MARK2: variants seen among roughly 807,000 people sequenced by gnomAD.
The protein encoded by MARK2 is microtubule affinity regulating kinase 2.
A neutral mutation model predicts 89.8 loss-of-function variants in MARK2; 16 were observed. The observed-to-expected ratio is 0.18, with a 90% CI of 0.12 to 0.27. The LOEUF (loss-of-function observed/expected upper bound fraction) is 0.27. MARK2 is among the 10% of genes least tolerant of loss of function. The pLI, the probability that MARK2 is intolerant of heterozygous loss-of-function variation, is 1.00. For synonymous variants in MARK2, 382 were observed against 399.5 expected (o/e 0.96, Z 0.52); for missense variants, 621 against 1,049.9 (o/e 0.59, Z 5.65).
At chr11:63,863,158 A>G (rs981228679) in intron 1 of MARK2, among the ~76,000 whole-genome samples, 1 of 152,106 alleles carries the variant, frequency 6.6e-6, no homozygotes, top group African/African-American at 2.4e-5. Context: ...AATTTATGCC[A>G]CTACTTCCTG....
At chr11:63,842,847 T>C (rs2016089222) in intron 1 of MARK2, among the ~76,000 whole-genome samples, 1 of 152,208 alleles carries the variant, frequency 6.6e-6, no homozygotes, top group Non-Finnish European at 1.5e-5. Flanking sequence ...CCTCTCCCTC[T>C]TCTTTAAAAA....
chr11:63,858,925 A>C (rs1218596849), intron 1 of MARK2, among the ~76,000 whole-genome samples: 1 of 152,208 alleles, frequency 6.6e-6, no homozygotes, highest in Non-Finnish European at 1.5e-5. Context: ...GCTGGTTCTC[A>C]GTGACCTGAT....
At chr11:63,850,315 A>ATTTTT (rs34074167) in intron 1 of MARK2, among the ~76,000 whole-genome samples, 1 of 95,756 alleles carries the variant, frequency 1.0e-5, no homozygotes, top group Non-Finnish European at 1.9e-5. Context: ...TACCTGGCTA[A>ATTTTT]TTTTTTTTTT....
chr11:63,864,343 C>G (rs1004658018), intron 1 of MARK2, among the ~76,000 whole-genome samples: 11 of 152,130 alleles, frequency 7.2e-5, no homozygotes, highest in Non-Finnish European at 1.3e-4. Context: ...ACCTCCGCCT[C>G]CCAGGTTCAA....
chr11:63,870,160 C>T (rs1938365582), intron 1 of MARK2, among the ~76,000 whole-genome samples: 1 of 152,206 alleles, frequency 6.6e-6, no homozygotes, highest in African/African-American at 2.4e-5. Flanking sequence ...CAATTCTGCA[C>T]ACTGGAGAGC....
intron 1 of MARK2, among the ~76,000 whole-genome samples, chr11:63,851,666 G>A (rs1442309127): frequency 2.6e-5 from 4 of 151,912 alleles, no homozygotes; most frequent in African/African-American, 4.8e-5. Context: ...TTTGATCTCC[G>A]TCTGAGATCT....
intron 1 of MARK2, among the ~76,000 whole-genome samples, chr11:63,864,402 A>G (rs999354433): frequency 6.6e-6 from 1 of 151,664 alleles, no homozygotes; most frequent in East Asian, 1.9e-4. Context: ...ACAGGCATGC[A>G]CCACCACCGG....
At chr11:63,907,120 T>G (rs1941403957) in intron 17 of MARK2, among the ~76,000 whole-genome samples, 1 of 152,080 alleles carries the variant, frequency 6.6e-6, no homozygotes, top group South Asian at 2.1e-4. Flanking sequence ...AGGTTAAGAG[T>G]GCTTGTTCCC....
chr11:63,870,017 G>C (rs891028820), intron 1 of MARK2, among the ~76,000 whole-genome samples: 1 of 152,214 alleles, frequency 6.6e-6, no homozygotes, highest in Admixed American at 6.5e-5. Flanking sequence ...AATTGTTTGC[G>C]CAGAGCTGGG....
Position 63,910,019 on chromosome 11 carries a change from A to C in MARK2, c.*782A>C, listed in dbSNP as rs1941649437. On this transcript the variant is annotated 3_prime_UTR_variant, in exon 19 of 19. Coordinates refer to ENST00000402010, the MANE Select transcript of MARK2 (RefSeq NM_001039469.3). ...GCTGTGGGGACGTGTGTTCCCTCAAAGTCTGTGCCATCTTCTCCCACCCCT... is the reference window on the plus strand; with the variant it reads ...GCTGTGGGGACGTGTGTTCCCTCAACGTCTGTGCCATCTTCTCCCACCCCT... 1 of 152,296 alleles carries C rather than the reference A, an allele frequency of 6.6e-6. No homozygotes were observed. Among genetic ancestry groups the C allele is most frequent in the Non-Finnish European group, 1.5e-5 (1 of 68,182 alleles). 9.4% of individuals were successfully genotyped at this position (152,296 alleles called of 1,614,324 possible). A position where few individuals can be genotyped will look rare whatever the true frequency, so the allele number is the denominator to read the frequency against.
chr11:63,876,335 T>C (rs1375580798), intron 1 of MARK2, among the ~76,000 whole-genome samples: 3 of 152,258 alleles, frequency 2.0e-5, no homozygotes, highest in African/African-American at 7.2e-5. Flanking sequence ...GTTCAAGTTA[T>C]ATTTTCTGGC....
At position 63,902,348 on chromosome 11, in the gene MARK2, T is replaced by TTGTA. The variant is rs902599284; in HGVS notation, c.1234+19_1234+22dup. 6.2e-7 allele frequency: 1 copy of TTGTA among 1,613,372 alleles called. No individual in the cohort carries two copies. The highest frequency in any genetic ancestry group is 8.5e-7 in the Non-Finnish European group (1 of 1,179,778). The stretch of plus-strand genomic sequence containing the variant: ...CGACCAGGGTAAATGCTTTTGGGAG[T>TTGTA]TGTAGGTGGGGACTCACCCCTCTCC... On this transcript the variant is annotated intron_variant, in intron 12 of 18. Transcript: ENST00000402010. The surrounding 1 kb of genome is among the most constrained non-coding windows in gnomAD (Gnocchi z 4.2).
At position 63,904,044 on chromosome 11, in the gene MARK2, G is replaced by T; in HGVS notation, c.1573G>T (p.Ala525Ser). 2 of 1,598,948 alleles carry T rather than the reference G, an allele frequency of 1.3e-6. No homozygotes were observed. The highest frequency in any genetic ancestry group is 4.5e-5 in the East Asian group (2 of 44,570). Reference sequence around the variant, plus strand: ...TTCTGCTTCTGCCGCAGTCTCTGCGGCCCGGCCCCGCCAGCACCAGAAATC... The same window carrying T: ...TTCTGCTTCTGCCGCAGTCTCTGCGTCCCGGCCCCGCCAGCACCAGAAATC... ...TASASAAVSA[A>S]RPRQHQKSMS... Residue 525 changes from alanine (A) to serine (S), a missense_variant, in exon 15 of 19, where the codon GCC becomes TCC. Ala to Ser is a moderately conservative substitution (Grantham distance 99). Around this residue, in one of 5 missense-constraint regions of MARK2, gnomAD observed 397 missense variants for 567.8 expected, o/e 0.70. Transcript: ENST00000402010. This position sits in a 1 kb window ranked among gnomAD's most constrained non-coding sequence, Gnocchi z 6.3.
Position 63,898,123 on chromosome 11 carries a change from C to G in MARK2, c.289-109C>G, listed in dbSNP as rs1940569065. The G allele has an allele frequency of 4.6e-6, 4 of 878,016 alleles. No individual in the cohort carries two copies. The Admixed American group carries it at 8.0e-5, about 18-fold the overall frequency. The allele number at this position is 878,016 out of a possible 1,614,324, so 54.4% of individuals were successfully genotyped here. A position where few individuals can be genotyped will look rare whatever the true frequency, so the allele number is the denominator to read the frequency against. On this transcript the variant is annotated intron_variant, in intron 3 of 18. Transcript: ENST00000402010. ...TAGACAACCACCCTATTTTCTTTTC[C>G]CTGCCCGGTTTTGGTTTTTTGGGAA... is the stretch of plus-strand genomic sequence containing the variant.
chr11:63,870,266 G>A (rs959209931), intron 1 of MARK2, among the ~76,000 whole-genome samples: 1 of 152,118 alleles, frequency 6.6e-6, no homozygotes, highest in African/African-American at 2.4e-5. Context: ...GTGGAGACAG[G>A]GTCTTACAAT....
At chr11:63,843,643 GAC>G (rs2016131254) in intron 1 of MARK2, among the ~76,000 whole-genome samples, 7 of 143,226 alleles carry the variant, frequency 4.9e-5, no homozygotes, top group African/African-American at 1.6e-4. Flanking sequence ...TTTTTTTTTT[GAC>G]ACAGAGTCTT....
chr11:63,902,807 C>T lies in MARK2; in HGVS notation c.1416+25C>T. 1 of 1,588,834 alleles carries T rather than the reference C, an allele frequency of 6.3e-7. No homozygotes were observed. The highest frequency in any genetic ancestry group is 1.1e-5 in the South Asian group (1 of 90,388). On this transcript the variant is annotated intron_variant, in intron 13 of 18. Coordinates refer to ENST00000402010, the MANE Select transcript of MARK2 (RefSeq NM_001039469.3). The surrounding 1 kb of genome is among the most constrained non-coding windows in gnomAD (Gnocchi z 4.2). ...GGTGAGCCGCACCCCCCGCTCTCTCCTTCCTTCCTGCGGTGGGGCCTGCCC... is the reference window on the plus strand; with the variant it reads ...GGTGAGCCGCACCCCCCGCTCTCTCTTTCCTTCCTGCGGTGGGGCCTGCCC...
intron 1 of MARK2, among the ~76,000 whole-genome samples, chr11:63,892,783 A>G (rs1300414406): frequency 6.7e-6 from 1 of 148,938 alleles, no homozygotes. Flanking sequence ...CTGGAGTACA[A>G]TGGCATGATC....
At chr11:63,839,614 C>T in intron 1 of MARK2, 54 bp downstream of exon 1, 2 of 1,155,042 alleles carry the variant, frequency 1.7e-6, no homozygotes, top group Non-Finnish European at 2.5e-6. Flanking sequence ...TTGCACCTTG[C>T]GGAGCCTCCT....
Sources: allele counts gnomAD v4.1 joint callset (sites outside exome capture counted in the v4.1 genomes callset), GRCh38; gene constraint gnomAD v4.1.1; regional missense constraint gnomAD v4.1.1; non-coding constraint Gnocchi (gnomAD v3.1); transcripts MANE v1.5; gene names NCBI Gene and HGNC (gene_info 2026-07-23, HGNC 2026-07-21).